Variants in EEF2K observed in about 807,000 individuals in gnomAD.
EEF2K encodes the protein alternative protein EEF2K.
Under a neutral mutation model 93.8 loss-of-function variants are expected in EEF2K, and 70 were observed. The ratio of observed to expected loss-of-function variants is 0.75; its 90% CI spans 0.62 to 0.91. EEF2K has a LOEUF of 0.91. EEF2K is among the 40% of genes least tolerant of loss of function. The probability of loss-of-function intolerance (pLI) is 0.00; values close to 1 mark genes in which losing one functional copy is unlikely to be tolerated. For synonymous variants in EEF2K, 376 were observed against 380.8 expected (o/e 0.99, Z 0.15); for missense variants, 935 against 972.9 (o/e 0.96, Z 0.52).
chr16:22,230,879 T>C (rs1490392872), intron 2 of EEF2K, among the ~76,000 whole-genome samples: 4 of 151,956 alleles, frequency 2.6e-5, no homozygotes, highest in East Asian at 1.9e-4. Context: ...ATCATCCCAC[T>C]TCAGCTTCCC....
intron 6 of EEF2K, among the ~76,000 whole-genome samples, chr16:22,254,939 C>T (rs776969115): frequency 9.9e-5 from 15 of 152,014 alleles, no homozygotes; most frequent in South Asian, 2.1e-4. Flanking sequence ...GGCATGGAGG[C>T]GGGTGCCTGT....
At chr16:22,278,698 T>G (rs2047664497) in intron 16 of EEF2K, among the ~76,000 whole-genome samples, 1 of 152,170 alleles carries the variant, frequency 6.6e-6, no homozygotes, top group Non-Finnish European at 1.5e-5. Flanking sequence ...TCGCTGTATT[T>G]GCTCTTTCCT....
At chr16:22,273,863 C>T in intron 16 of EEF2K, 113 bp downstream of exon 16, 1 of 1,470,860 alleles carries the variant, frequency 6.8e-7, no homozygotes, top group Non-Finnish European at 9.0e-7. Context: ...CATGACCAGT[C>T]CAGCAACCAT....
At chr16:22,273,391 G>A (rs2047604553) in intron 15 of EEF2K, among the ~76,000 whole-genome samples, 1 of 152,154 alleles carries the variant, frequency 6.6e-6, no homozygotes, top group Admixed American at 6.5e-5. Context: ...GCACAGGTGG[G>A]CGTGTCTTAT....
chr16:22,225,836 G>T lies in EEF2K; in HGVS notation c.107G>T (p.Gly36Val), dbSNP rs982180183. Reference sequence around the variant, plus strand: ...GATGGGGACAGCGACGATGAGGAAGGTTACTTCATCTGCCCCATCACGGAT... The same window carrying T: ...GATGGGGACAGCGACGATGAGGAAGTTTACTTCATCTGCCCCATCACGGAT... ...DSDGDSDDEE[G>V]YFICPITDDP... is the part of the protein sequence containing the mutation. Residue 36 changes from glycine (G) to valine (V), a missense_variant, in exon 2 of 18, where the codon GGT (glycine) becomes GTT (valine). Gly to Val is a moderately radical substitution (Grantham distance 109). Transcript: ENST00000263026. 15 of 1,614,234 alleles carry T rather than the reference G, an allele frequency of 9.3e-6. No homozygotes were observed. Among genetic ancestry groups the T allele is most frequent in the Non-Finnish European group, 1.2e-5 (14 of 1,180,050 alleles).
chr16:22,278,217 A>G (rs1000742014), intron 16 of EEF2K, among the ~76,000 whole-genome samples: 5 of 152,102 alleles, frequency 3.3e-5, no homozygotes, highest in Non-Finnish European at 7.3e-5. Context: ...AAGAAAAGAA[A>G]AAAGAGAGAG....
intron 7 of EEF2K, 88 bp from the exon 8 acceptor site, chr16:22,257,165 C>T (rs2047409877): frequency 5.7e-6 from 9 of 1,582,552 alleles, no homozygotes; most frequent in Admixed American, 3.9e-5. Context: ...GAAGAGAAAG[C>T]CCCTCAGCAT....
intron 6 of EEF2K, 91 bp downstream of exon 6, chr16:22,251,413 C>CTTA: frequency 7.3e-7 from 1 of 1,367,290 alleles, no homozygotes; most frequent in Non-Finnish European, 9.7e-7. Context: ...CCTATTTCAC[C>CTTA]TTCTTTTTTT....
At chr16:22,210,489 G>A (rs548401280) in intron 1 of EEF2K, among the ~76,000 whole-genome samples, 9 of 152,296 alleles carry the variant, frequency 5.9e-5, no homozygotes, top group African/African-American at 2.2e-4. Flanking sequence ...AAGTTGCCAG[G>A]TGAGGCTGCT....
chr16:22,247,067 AGAAAC>A (rs2047300997), intron 3 of EEF2K, among the ~76,000 whole-genome samples: 4 of 142,436 alleles, frequency 2.8e-5, no homozygotes, highest in African/African-American at 8.2e-5. Flanking sequence ...AAAAAAAAAA[AGAAAC>A]TAGAATTGCC....
intron 10 of EEF2K, 187 bp downstream of exon 10, chr16:22,258,882 A>G: frequency 1.5e-6 from 1 of 671,578 alleles, no homozygotes; most frequent in Non-Finnish European, 2.4e-6. Flanking sequence ...TATAAAAACA[A>G]CCCCTATTGT....
chr16:22,244,753 C>G (rs747581471), intron 3 of EEF2K, 23 bp downstream of exon 3: 4 of 1,612,352 alleles, frequency 2.5e-6, no homozygotes, highest in Non-Finnish European at 3.4e-6. Context: ...TGTGGGGTCT[C>G]GAGGAGTCCT....
At chr16:22,276,127 G>A (rs2047632299) in intron 16 of EEF2K, among the ~76,000 whole-genome samples, 1 of 151,090 alleles carries the variant, frequency 6.6e-6, no homozygotes, top group African/African-American at 2.4e-5. Context: ...ATAATTTTTT[G>A]TAGAGACAAG....
intron 6 of EEF2K, among the ~76,000 whole-genome samples, chr16:22,253,377 G>C (rs2047369510): frequency 6.6e-6 from 1 of 152,198 alleles, no homozygotes; most frequent in South Asian, 2.1e-4. Flanking sequence ...ACTTGAGGCA[G>C]GCGCAAGAAG....
intron 2 of EEF2K, among the ~76,000 whole-genome samples, chr16:22,238,888 TGCC>T (rs2047194696): frequency 6.6e-6 from 1 of 152,038 alleles, no homozygotes; most frequent in Non-Finnish European, 1.5e-5. Context: ...TAATAAGCAC[TGCC>T]ACCCCAGTGA....
chr16:22,259,113 G>C (rs1207584936), intron 10 of EEF2K, among the ~76,000 whole-genome samples: 1 of 152,206 alleles, frequency 6.6e-6, no homozygotes, highest in Non-Finnish European at 1.5e-5. Context: ...ACAGGAATCT[G>C]AGGGTTGTTC....
At chr16:22,272,779 A>G (rs925080862) in intron 15 of EEF2K, among the ~76,000 whole-genome samples, 13 of 151,924 alleles carry the variant, frequency 8.6e-5, no homozygotes, top group Admixed American at 1.3e-4. Flanking sequence ...CTTGTGCCTC[A>G]GCCTCCTGAG....
intron 15 of EEF2K, among the ~76,000 whole-genome samples, chr16:22,273,080 G>A (rs1396611880): frequency 6.6e-6 from 1 of 152,186 alleles, no homozygotes; most frequent in Non-Finnish European, 1.5e-5. Context: ...GAATTCAAGG[G>A]TGAGCCAAAT....
chr16:22,216,140 G>C (rs2046955750), intron 1 of EEF2K, among the ~76,000 whole-genome samples: 1 of 152,190 alleles, frequency 6.6e-6, no homozygotes, highest in Admixed American at 6.5e-5. Flanking sequence ...TAGAGGACAA[G>C]CTGTTAGCCA....
Sources: gnomAD v4.1 joint callset for allele counts (sites outside exome capture counted in the v4.1 genomes callset) on GRCh38, gnomAD v4.1.1 for gene constraint, MANE v1.5 for transcripts, NCBI Gene and HGNC (gene_info 2026-07-23, HGNC 2026-07-21) for gene names.